The following CHL1 variants were observed in gnomAD, a reference collection of about 807,000 sequenced individuals.
CHL1 encodes the protein cell adhesion molecule L1 like.
A neutral mutation model predicts 141.9 loss-of-function variants in CHL1; 96 were observed. The observed-to-expected ratio is 0.68, with a 90% CI of 0.57 to 0.80. The LOEUF (loss-of-function observed/expected upper bound fraction) is 0.80, where lower values mean the gene tolerates loss of function less well. Among genes scored for constraint, CHL1 ranks in the 30% least tolerant of loss-of-function variants. CHL1 has a pLI of 0.00. For synonymous variants in CHL1, 613 were observed against 502.2 expected, an observed-to-expected ratio of 1.22 and a Z score of -2.95; for missense variants, 1,820 against 1,457.2, an observed-to-expected ratio of 1.25 and a Z score of -4.05.
rs1706531639 is a variant in CHL1, at chr3:377,847, T to C, written c.1781T>C (p.Ile594Thr). The stretch of plus-strand genomic sequence containing the variant: ...ATTATTGATGGAGCTAATTTGACCA[T>C]ATCTAATGTAACTTTAGAGGACCAA... ...RIIIDGANLTISNVTLEDQGI... is the reference protein window; with the variant it reads ...RIIIDGANLTTSNVTLEDQGI... The change falls in exon 16 of 28, where the codon ATA becomes ACA. Residue 594 changes from isoleucine to threonine, a missense_variant. Ile to Thr is a moderately conservative substitution (Grantham distance 89, BLOSUM62 -1). Coordinates refer to ENST00000256509, the MANE Select transcript of CHL1 (RefSeq NM_006614.4). 1 of 1,609,026 alleles carries C rather than the reference T, an allele frequency of 6.2e-7. No homozygotes were observed. Among genetic ancestry groups the C allele is most frequent in the Non-Finnish European group, 8.5e-7 (1 of 1,175,620 alleles).
intron 2 of CHL1, among the ~76,000 whole-genome samples, chr3:299,286 C>A (rs1698496825): frequency 6.6e-6 from 1 of 152,100 alleles, no homozygotes. Flanking sequence ...CAAATTAAAT[C>A]TTGAAGGATG....
At chr3:314,365 A>C (rs924953951) in intron 2 of CHL1, among the ~76,000 whole-genome samples, 1 of 121,164 alleles carries the variant, frequency 8.3e-6, no homozygotes, top group African/African-American at 3.2e-5. Context: ...ATATATATAT[A>C]TATATCTGCT....
chr3:260,447 T>C (rs1171788154), intron 2 of CHL1, among the ~76,000 whole-genome samples: 2 of 152,198 alleles, frequency 1.3e-5, no homozygotes, highest in African/African-American at 4.8e-5. Flanking sequence ...AAATTTGCTA[T>C]AATGTAGGTT....
At chr3:364,297 A>G (rs1006066102) in intron 14 of CHL1, among the ~76,000 whole-genome samples, 1 of 152,184 alleles carries the variant, frequency 6.6e-6, no homozygotes, top group African/African-American at 2.4e-5. Context: ...CTCTCCCACA[A>G]TATCTACTTA....
chr3:396,973 A>G (rs7612327), intron 24 of CHL1, among the ~76,000 whole-genome samples: 148,384 of 152,268 alleles, frequency 0.97, 72,407 homozygotes, highest in East Asian at 1. Flanking sequence ...CTCTGCCTAT[A>G]TAGCTCATTT....
intron 2 of CHL1, among the ~76,000 whole-genome samples, chr3:258,162 G>A (rs576352036): frequency 6.6e-6 from 1 of 152,186 alleles, no homozygotes; most frequent in Non-Finnish European, 1.5e-5. Flanking sequence ...GCTCCCCCAT[G>A]GCTGTCTGTC....
Position 401,312 on chromosome 3 carries a change from A to G in CHL1, c.3386-314A>G, listed in dbSNP as rs187334048. Among the ~76,000 whole-genome samples the G allele has an allele frequency of 3.9e-3, 599 of 152,336 alleles. 6 individuals are homozygous for G. The highest frequency in any genetic ancestry group is 0.014 in the African/African-American group (562 of 41,586). Reference sequence around the variant, plus strand: ...ATAAATATTTAGTAATTTGGTCTTCACTGAGAAATCAAACTCAGTTGGGCT... The same window carrying G: ...ATAAATATTTAGTAATTTGGTCTTCGCTGAGAAATCAAACTCAGTTGGGCT... On this transcript the variant is annotated intron_variant, in intron 26 of 27. Transcript: ENST00000256509.
intron 1 of CHL1, among the ~76,000 whole-genome samples, chr3:233,659 A>G (rs1691632619): frequency 6.6e-6 from 1 of 152,118 alleles, no homozygotes; most frequent in Non-Finnish European, 1.5e-5. Context: ...CATAAGAGCA[A>G]AATTAAGCTC....
chr3:344,295 T>C (rs1263204387), intron 8 of CHL1, among the ~76,000 whole-genome samples: 2 of 152,300 alleles, frequency 1.3e-5, no homozygotes, highest in East Asian at 3.9e-4. Flanking sequence ...TCATAGATTT[T>C]CAATTAAGGA....
At chr3:317,454 G>A (rs906382689) in intron 2 of CHL1, among the ~76,000 whole-genome samples, 3 of 151,688 alleles carry the variant, frequency 2.0e-5, no homozygotes, top group Non-Finnish European at 2.9e-5. Context: ...CTGGAAATAC[G>A]ATCTCCTAGT....
chr3:359,799 G>T (rs1704047229), intron 11 of CHL1, among the ~76,000 whole-genome samples: 1 of 152,134 alleles, frequency 6.6e-6, no homozygotes. Flanking sequence ...GAAATCAATG[G>T]TGCAGATCAG....
intron 5 of CHL1, among the ~76,000 whole-genome samples, chr3:335,373 G>C (rs1701779209): frequency 6.6e-6 from 1 of 152,204 alleles, no homozygotes. Flanking sequence ...TTCATTATGA[G>C]CTCATGGACT....
At chr3:283,038 G>A (rs12639339) in intron 2 of CHL1, among the ~76,000 whole-genome samples, 1,842 of 152,242 alleles carry the variant, frequency 0.012, 97 homozygotes, top group Admixed American at 0.097. Flanking sequence ...TTGTATTCCA[G>A]TTTTCTGCCT....
intron 9 of CHL1, among the ~76,000 whole-genome samples, chr3:346,439 A>G (rs1420825744): frequency 1.3e-5 from 2 of 152,192 alleles, no homozygotes; most frequent in East Asian, 3.8e-4. Flanking sequence ...TCATCACTGT[A>G]TTGAGTTGGG....
intron 2 of CHL1, among the ~76,000 whole-genome samples, chr3:264,585 T>C (rs957640263): frequency 1.3e-5 from 2 of 152,156 alleles, no homozygotes; most frequent in East Asian, 1.9e-4. Flanking sequence ...AACCCAAAGA[T>C]TGAAGAAGTA....
rs968617207 is a variant in CHL1, at chr3:197,699, G to T, written c.-175+636G>T. 5 of 426,904 alleles carry T rather than the reference G, an allele frequency of 1.2e-5. No homozygotes were observed. The East Asian group carries it at 2.8e-4, about 24-fold the overall frequency. 26.4% of individuals were successfully genotyped at this position (426,904 alleles called of 1,614,324 possible). A position where few individuals can be genotyped will look rare whatever the true frequency, so the allele number is the denominator to read the frequency against. On this transcript the variant is annotated intron_variant, in intron 1 of 27. Transcript: ENST00000256509. ...ATGGACCGTGGGGTTGTGGGGTTGG[G>T]GAGCACGAAAACCCAGAGAGGGGCT...
At chr3:358,773 G>A (rs1476066528) in intron 11 of CHL1, among the ~76,000 whole-genome samples, 2 of 151,638 alleles carry the variant, frequency 1.3e-5, no homozygotes, top group East Asian at 3.9e-4. Flanking sequence ...TCAATATGTA[G>A]TATTCATGTT....
At chr3:318,578 C>T (rs1274081390) in intron 2 of CHL1, among the ~76,000 whole-genome samples, 1 of 151,350 alleles carries the variant, frequency 6.6e-6, no homozygotes, top group African/African-American at 2.4e-5. Flanking sequence ...AAATTAAAAC[C>T]TTAATTCTTA....
chr3:328,200 T>C lies in CHL1; in HGVS notation c.231T>C (p.Tyr77=). The C allele has an allele frequency of 6.2e-7, 1 of 1,607,482 alleles. No individual in the cohort carries two copies. Among genetic ancestry groups the C allele is most frequent in the Non-Finnish European group, 8.5e-7 (1 of 1,176,388 alleles). Residue 77 remains tyrosine (Y), a synonymous_variant, in exon 5 of 28, where the codon TAT becomes TAC. Coordinates refer to ENST00000256509, the MANE Select transcript of CHL1 (RefSeq NM_006614.4). ...GGACTAAGGATGGCAACCCTTTTTATTTCACTGACCATCGGATAATTCCAT... is the reference window on the plus strand; with the variant it reads ...GGACTAAGGATGGCAACCCTTTTTACTTCACTGACCATCGGATAATTCCAT... ...FSWTKDGNPF[Y]FTDHRIIPSN... is the part of the protein sequence containing the mutation.
Sources: gnomAD v4.1 joint callset for allele counts (sites outside exome capture counted in the v4.1 genomes callset) on GRCh38, gnomAD v4.1.1 for gene constraint, MANE v1.5 for transcripts, NCBI Gene and HGNC (gene_info 2026-07-23, HGNC 2026-07-21) for gene names.